Variants in OSBPL6 observed in about 807,000 individuals in gnomAD.
The protein encoded by OSBPL6 is oxysterol binding protein like 6.
A neutral mutation model predicts 125.8 loss-of-function variants in OSBPL6; 49 were observed. The ratio of observed to expected loss-of-function variants is 0.39; its 90% CI spans 0.31 to 0.49. The LOEUF (loss-of-function observed/expected upper bound fraction) is 0.49. Ranked by LOEUF, OSBPL6 falls within the 20% of genes least tolerant of loss-of-function variation. The pLI, the probability that OSBPL6 is intolerant of heterozygous loss-of-function variation, is 0.88. For synonymous variants in OSBPL6, 394 were observed against 391.8 expected (o/e 1.01, Z -0.07); for missense variants, 986 against 1,135.4 (o/e 0.87, Z 1.89).
chr2:178,339,630 C>T, intron 10 of OSBPL6, 42 bp from the exon 11 acceptor site: 3 of 1,490,056 alleles, frequency 2.0e-6, no homozygotes, highest in Non-Finnish European at 2.7e-6. Flanking sequence ...TCTGTGTGAA[C>T]TTAATAATAC....
rs145291582 is a variant in OSBPL6, at chr2:178,361,704, A to G, written c.1176A>G (p.Ala392=). 941 of 1,614,114 alleles carry G rather than the reference A, an allele frequency of 5.8e-4. 6 individuals are homozygous for G. In the African/African-American group the frequency reaches 0.012, roughly 20 times the overall value. Residue 392 remains alanine (A), a synonymous_variant, in exon 13 of 25, where the codon GCA becomes GCG. Coordinates refer to ENST00000190611, the MANE Select transcript of OSBPL6 (RefSeq NM_032523.4). ...AQKVHSLLKS[A]FNSIAIEKEK... is the part of the protein sequence containing the mutation. ...CAGTGCATTCTCTTTTGAAGTCTGC[A>G]TTTAATAGCATAGCTATAGAGAAGG...
chr2:178,271,933 G>A (rs989740848), intron 1 of OSBPL6, among the ~76,000 whole-genome samples: 4 of 152,216 alleles, frequency 2.6e-5, no homozygotes, highest in Non-Finnish European at 4.4e-5. Flanking sequence ...AGACAGTTCT[G>A]TAAAAGTCTG....
At chr2:178,295,026 G>T (rs775380175) in intron 2 of OSBPL6, among the ~76,000 whole-genome samples, 8 of 151,454 alleles carry the variant, frequency 5.3e-5, no homozygotes, top group Non-Finnish European at 1.2e-4. Flanking sequence ...TTTCTCATGG[G>T]GTTTTTAATG....
chr2:178,356,369 T>G (rs966396026), intron 12 of OSBPL6, among the ~76,000 whole-genome samples: 4 of 152,222 alleles, frequency 2.6e-5, no homozygotes, highest in Non-Finnish European at 4.4e-5. Flanking sequence ...CTCCTTAAGC[T>G]GATAAGCAAC....
chr2:178,312,275 C>T (rs1245743203), intron 3 of OSBPL6, among the ~76,000 whole-genome samples: 3 of 150,842 alleles, frequency 2.0e-5, no homozygotes, highest in South Asian at 2.1e-4. Flanking sequence ...GATTCTCCTG[C>T]CTCAGCCTTC....
intron 1 of OSBPL6, among the ~76,000 whole-genome samples, chr2:178,245,158 C>T (rs1295296609): frequency 6.6e-6 from 1 of 152,190 alleles, no homozygotes; most frequent in African/African-American, 2.4e-5. Context: ...TGAGGAATGC[C>T]TGCCTCCTCA....
intron 1 of OSBPL6, among the ~76,000 whole-genome samples, chr2:178,234,696 T>C (rs147070933): frequency 6.6e-6 from 1 of 152,340 alleles, no homozygotes; most frequent in East Asian, 1.9e-4. Flanking sequence ...TTAATTTTGG[T>C]AAGGTCCAAT....
chr2:178,366,422 G>A (rs1192681895), intron 13 of OSBPL6, among the ~76,000 whole-genome samples: 2 of 152,044 alleles, frequency 1.3e-5, no homozygotes, highest in Non-Finnish European at 2.9e-5. Flanking sequence ...TGTGAATAAC[G>A]GAATATGACC....
At chr2:178,393,065 A>G (rs1695559337) in intron 23 of OSBPL6, among the ~76,000 whole-genome samples, 1 of 152,128 alleles carries the variant, frequency 6.6e-6, no homozygotes, top group Non-Finnish European at 1.5e-5. Flanking sequence ...CACAGAAGAT[A>G]AGATAACAGA....
chr2:178,383,414 G>A lies in OSBPL6; in HGVS notation c.1875+137G>A, dbSNP rs1349325536. ...TAGTAAAAGAGGAATTGATCTGTTT[G>A]CATAAATCCGGCAAGGCCAAAACCT... On this transcript the variant is annotated intron_variant, in intron 17 of 24. Coordinates refer to ENST00000190611, the MANE Select transcript of OSBPL6 (RefSeq NM_032523.4). 6.7e-6 allele frequency: 9 copies of A among 1,337,508 alleles called. No homozygotes were observed. The East Asian group carries it at 1.3e-4, about 19-fold the overall frequency. 82.9% of individuals were successfully genotyped at this position (1,337,508 alleles called of 1,614,324 possible).
chr2:178,204,025 C>CTTTTT (rs1166160655), intron 1 of OSBPL6, among the ~76,000 whole-genome samples: 20 of 128,996 alleles, frequency 1.6e-4, no homozygotes, highest in East Asian at 2.2e-4. Context: ...TTTTCTTTTT[C>CTTTTT]TTTTTTTTTT....
chr2:178,395,303 A>G, intron 24 of OSBPL6, 148 bp from the exon 25 acceptor site: 2 of 545,086 alleles, frequency 3.7e-6, no homozygotes, highest in South Asian at 5.2e-5. Flanking sequence ...CCAGTCAAAA[A>G]TAGTCACATC....
At chr2:178,204,165 G>A (rs1043490408) in intron 1 of OSBPL6, among the ~76,000 whole-genome samples, 1 of 151,832 alleles carries the variant, frequency 6.6e-6, no homozygotes, top group Middle Eastern at 3.4e-3. Context: ...TTGGGACTAC[G>A]GGTGCATGCC....
intron 13 of OSBPL6, among the ~76,000 whole-genome samples, chr2:178,370,852 C>T (rs1027231020): frequency 5.9e-5 from 9 of 152,124 alleles, no homozygotes; most frequent in African/African-American, 1.9e-4. Context: ...GTTCTGTCCT[C>T]AAAAAGCAAA....
intron 12 of OSBPL6, among the ~76,000 whole-genome samples, chr2:178,355,000 G>A (rs538180204): frequency 3.9e-4 from 60 of 152,254 alleles, no homozygotes; most frequent in African/African-American, 9.4e-4. Context: ...GGTAATTAAC[G>A]AAATGAAGGC....
intron 1 of OSBPL6, among the ~76,000 whole-genome samples, chr2:178,263,832 T>TGC (rs1553537199): frequency 1.3e-5 from 2 of 150,112 alleles, no homozygotes; most frequent in Non-Finnish European, 3.0e-5. Flanking sequence ...TGTGTGTGTG[T>TGC]GTGTGCGTGT....
At chr2:178,276,305 C>T (rs2092467326) in intron 1 of OSBPL6, among the ~76,000 whole-genome samples, 1 of 151,902 alleles carries the variant, frequency 6.6e-6, no homozygotes, top group African/African-American at 2.4e-5. Flanking sequence ...TGGAATATCC[C>T]CTGAAATGAT....
intron 1 of OSBPL6, among the ~76,000 whole-genome samples, chr2:178,266,458 AC>A (rs916572123): frequency 6.6e-6 from 1 of 152,160 alleles, no homozygotes; most frequent in African/African-American, 2.4e-5. Flanking sequence ...AAAGAACCAA[AC>A]AGAAGCCAGT....
chr2:178,378,492 A>T (rs1444373799), intron 15 of OSBPL6, among the ~76,000 whole-genome samples: 1 of 152,244 alleles, frequency 6.6e-6, no homozygotes, highest in Admixed American at 6.5e-5. Flanking sequence ...CTCTTTTAAA[A>T]AATGTTCTTC....
Sources: gnomAD v4.1 joint callset for allele counts (sites outside exome capture counted in the v4.1 genomes callset) on GRCh38, gnomAD v4.1.1 for gene constraint, MANE v1.5 for transcripts, NCBI Gene and HGNC (gene_info 2026-07-23, HGNC 2026-07-21) for gene names.